The following LRP1B variants were observed in gnomAD, a reference collection of about 807,000 sequenced individuals.
LRP1B encodes low-density lipoprotein receptor-related protein 1B.
Under a neutral mutation model 556.6 loss-of-function variants are expected in LRP1B, and 217 were observed. The observed-to-expected ratio is 0.39, with a 90% confidence interval of 0.35 to 0.44. The LOEUF is 0.44. LRP1B is among the 20% of genes least tolerant of loss of function. The pLI, the probability that LRP1B is intolerant of heterozygous loss-of-function variation, is 1.00. For synonymous variants in LRP1B, 2,047 were observed against 1,865.8 expected (o/e 1.10, Z -2.50); for missense variants, 5,053 against 5,620.8 (o/e 0.90, Z 3.23).
At chr2:140,782,061 GTT>G (rs1689718406) in intron 32 of LRP1B, among the ~76,000 whole-genome samples, 2 of 151,958 alleles carry the variant, frequency 1.3e-5, no homozygotes, top group Non-Finnish European at 2.9e-5. Flanking sequence ...ATTTTTTGTT[GTT>G]GTTGTTTCAC....
intron 65 of LRP1B, among the ~76,000 whole-genome samples, chr2:140,443,713 A>G (rs1002338285): frequency 1.3e-5 from 2 of 152,210 alleles, no homozygotes; most frequent in Non-Finnish European, 2.9e-5. Flanking sequence ...TGGTATAAAC[A>G]GTTTTGCCTT....
chr2:141,420,106 G>A (rs1292726101), intron 3 of LRP1B, among the ~76,000 whole-genome samples: 1 of 151,988 alleles, frequency 6.6e-6, no homozygotes, highest in African/African-American at 2.4e-5. Flanking sequence ...ATGAAAGTGG[G>A]GTATAAAAAT....
Position 140,247,215 on chromosome 2 carries a change from A to G in LRP1B, c.13248-53T>C, listed in dbSNP as rs961727110. On this transcript the variant is annotated intron_variant, in intron 86 of 90. Transcript: ENST00000389484. The stretch of plus-strand genomic sequence containing the variant: ...CAGATCAGCGAATAACAAAGCCCAG[A>G]AGTCAGCTAATGTAGTAACTTTAAC... 7 of 1,277,386 alleles carry G rather than the reference A, an allele frequency of 5.5e-6. No individual in the cohort carries two copies. The East Asian group carries it at 1.6e-4, about 30-fold the overall frequency. The allele number at this position is 1,277,386 out of a possible 1,614,324, so 79.1% of individuals were successfully genotyped here.
chr2:141,093,736 T>G (rs928748691), intron 7 of LRP1B, among the ~76,000 whole-genome samples: 2 of 152,066 alleles, frequency 1.3e-5, no homozygotes, highest in African/African-American at 4.8e-5. Context: ...AATTTTTTTT[T>G]GACAGAGTTG....
intron 66 of LRP1B, among the ~76,000 whole-genome samples, chr2:140,441,875 T>G (rs1422158285): frequency 1.3e-5 from 2 of 152,218 alleles, no homozygotes; most frequent in African/African-American, 4.8e-5. Context: ...TCTGTCTCAG[T>G]GTTAACAGCT....
chr2:141,392,657 G>A (rs986938904), intron 3 of LRP1B, among the ~76,000 whole-genome samples: 2 of 151,986 alleles, frequency 1.3e-5, no homozygotes, highest in Non-Finnish European at 2.9e-5. Flanking sequence ...GCCCAAAATG[G>A]GGATTTATTT....
chr2:141,172,509 C>A (rs901774446), intron 7 of LRP1B, among the ~76,000 whole-genome samples: 2 of 151,936 alleles, frequency 1.3e-5, no homozygotes, highest in South Asian at 4.1e-4. Flanking sequence ...ATTCTTATTT[C>A]ATTTGGGAAA....
chr2:141,292,452 G>A (rs1686010080), intron 3 of LRP1B, among the ~76,000 whole-genome samples: 1 of 152,036 alleles, frequency 6.6e-6, no homozygotes, highest in Admixed American at 6.5e-5. Context: ...GGTAGCTGGG[G>A]AATAAAGAGA....
At chr2:140,803,277 T>G (rs1306801939) in intron 32 of LRP1B, among the ~76,000 whole-genome samples, 1 of 135,112 alleles carries the variant, frequency 7.4e-6, no homozygotes, top group African/African-American at 2.9e-5. Flanking sequence ...TTTTTTTTTT[T>G]TTTTTTTTTT....
intron 41 of LRP1B, 75 bp downstream of exon 41, chr2:140,700,175 A>C: frequency 7.7e-7 from 1 of 1,291,822 alleles, no homozygotes; most frequent in South Asian, 1.3e-5. Context: ...GCTACATGCA[A>C]TTACCACTAT....
At chr2:140,922,851 T>G (rs1335831692) in intron 21 of LRP1B, 114 bp downstream of exon 21, 1 of 855,362 alleles carries the variant, frequency 1.2e-6, no homozygotes, top group Non-Finnish European at 1.8e-6. Context: ...CATGAGCACA[T>G]CTGCCAAAAA....
chr2:140,987,192 T>C (rs970937859), intron 17 of LRP1B, among the ~76,000 whole-genome samples: 1 of 152,138 alleles, frequency 6.6e-6, no homozygotes, highest in African/African-American at 2.4e-5. Context: ...GTTCTTTTTA[T>C]TCGAGTTCTT....
chr2:142,048,818 T>C (rs1351973608), intron 1 of LRP1B, among the ~76,000 whole-genome samples: 1 of 152,050 alleles, frequency 6.6e-6, no homozygotes, highest in Non-Finnish European at 1.5e-5. Flanking sequence ...AAAAGATGAG[T>C]GTATTTACAA....
intron 3 of LRP1B, among the ~76,000 whole-genome samples, chr2:141,266,915 T>C (rs971207577): frequency 3.7e-4 from 56 of 152,288 alleles, no homozygotes; most frequent in African/African-American, 1.3e-3. Flanking sequence ...ACTGGGAATA[T>C]TGTATGAGGA....
intron 2 of LRP1B, among the ~76,000 whole-genome samples, chr2:141,738,583 A>G (rs1693580421): frequency 6.6e-6 from 1 of 152,172 alleles, no homozygotes; most frequent in African/African-American, 2.4e-5. Context: ...TTTGTTTAGA[A>G]TTGACACAAA....
intron 32 of LRP1B, among the ~76,000 whole-genome samples, chr2:140,803,472 A>T (rs574687037): frequency 2.6e-4 from 39 of 149,690 alleles, no homozygotes; most frequent in African/African-American, 9.3e-4. Context: ...TTATTTATTT[A>T]TTTTTTTAGT....
chr2:141,263,608 AGCCCTTCTAG>A (rs1211657988), intron 3 of LRP1B, among the ~76,000 whole-genome samples: 1 of 152,166 alleles, frequency 6.6e-6, no homozygotes, highest in East Asian at 1.9e-4. Context: ...ATTCTGCATA[AGCCCTTCTAG>A]AAAACAGAAA....
chr2:140,305,470 T>C (rs1265836320), intron 83 of LRP1B, among the ~76,000 whole-genome samples: 1 of 152,210 alleles, frequency 6.6e-6, no homozygotes, highest in African/African-American at 2.4e-5. Context: ...TATTGCTGTA[T>C]AGGAATGCTT....
intron 18 of LRP1B, among the ~76,000 whole-genome samples, chr2:140,969,345 G>A (rs1696335566): frequency 6.6e-6 from 1 of 152,138 alleles, no homozygotes; most frequent in African/African-American, 2.4e-5. Context: ...GACTAGGATT[G>A]CAACCCTTGC....
Sources: gnomAD v4.1 joint callset for allele counts (sites outside exome capture counted in the v4.1 genomes callset) on GRCh38, gnomAD v4.1.1 for gene constraint, MANE v1.5 for transcripts, NCBI Gene and HGNC (gene_info 2026-07-23, HGNC 2026-07-21) for gene names.